Variants in SGCZ observed in about 807,000 individuals in gnomAD.
SGCZ encodes the protein zeta-sarcoglycan.
In SGCZ, 40 loss-of-function variants were observed where a neutral mutation model predicts 41.3. The observed-to-expected ratio is 0.97, with a 90% CI of 0.75 to 1.26. SGCZ has a LOEUF of 1.26. Ranked by LOEUF, SGCZ falls within the 50% of genes most tolerant of loss-of-function variation. SGCZ has a pLI of 0.00. For missense variants in SGCZ, 552 were observed against 369.8 expected, an observed-to-expected ratio of 1.49 and a Z score of -4.04; for synonymous variants, 206 against 137.5, an observed-to-expected ratio of 1.50 and a Z score of -3.49.
intron 2 of SGCZ, among the ~76,000 whole-genome samples, chr8:14,469,828 A>T (rs1165583795): frequency 6.6e-6 from 1 of 152,170 alleles, no homozygotes; most frequent in Non-Finnish European, 1.5e-5. Context: ...GAAGAGCTGA[A>T]CACATGGAGG....
chr8:14,257,948 G>C (rs1799522889), intron 3 of SGCZ, among the ~76,000 whole-genome samples: 1 of 152,086 alleles, frequency 6.6e-6, no homozygotes, highest in African/African-American at 2.4e-5. Flanking sequence ...ACCAATTCAA[G>C]ATCAATAAAT....
chr8:14,386,092 G>A (rs1000085438), intron 2 of SGCZ, among the ~76,000 whole-genome samples: 3 of 151,832 alleles, frequency 2.0e-5, no homozygotes, highest in African/African-American at 7.3e-5. Context: ...AATATATTCA[G>A]TCTTCGGTTG....
At chr8:15,121,076 GC>G (rs1807459898) in intron 1 of SGCZ, among the ~76,000 whole-genome samples, 1 of 152,094 alleles carries the variant, frequency 6.6e-6, no homozygotes, top group African/African-American at 2.4e-5. Flanking sequence ...TCTTTGCGTT[GC>G]CACAATGATT....
chr8:14,544,582 G>T (rs1374073029), intron 2 of SGCZ, among the ~76,000 whole-genome samples: 1 of 151,994 alleles, frequency 6.6e-6, no homozygotes, highest in African/African-American at 2.4e-5. Flanking sequence ...GTCTATAAAT[G>T]GTCGCTATGG....
chr8:14,141,665 A>T (rs1803373951), intron 5 of SGCZ, among the ~76,000 whole-genome samples: 1 of 152,224 alleles, frequency 6.6e-6, no homozygotes, highest in African/African-American at 2.4e-5. Context: ...GTCGGGAAAC[A>T]ACAGATGCTG....
chr8:14,905,734 G>A (rs141671823), intron 1 of SGCZ, among the ~76,000 whole-genome samples: 57 of 151,998 alleles, frequency 3.8e-4, no homozygotes, highest in African/African-American at 5.8e-4. Context: ...GTCATCAGAA[G>A]CTATAGGCCA....
At chr8:14,547,060 T>C (rs866680455) in intron 2 of SGCZ, among the ~76,000 whole-genome samples, 1 of 152,116 alleles carries the variant, frequency 6.6e-6, no homozygotes, top group South Asian at 2.1e-4. Context: ...CTCTCTGGCA[T>C]CTTAAACTTT....
intron 1 of SGCZ, among the ~76,000 whole-genome samples, chr8:15,097,916 G>A (rs1307403845): frequency 8.4e-4 from 67 of 80,008 alleles, no homozygotes; most frequent in African/African-American, 2.8e-3. Context: ...ATATACGTGT[G>A]TATATATATA....
intron 2 of SGCZ, among the ~76,000 whole-genome samples, chr8:14,418,519 T>A (rs1456645438): frequency 6.6e-6 from 1 of 151,964 alleles, no homozygotes; most frequent in Non-Finnish European, 1.5e-5. Context: ...TTATATTTTA[T>A]CACGTTTTAC....
intron 5 of SGCZ, among the ~76,000 whole-genome samples, chr8:14,142,157 G>A (rs1349438130): frequency 6.6e-6 from 1 of 152,092 alleles, no homozygotes; most frequent in African/African-American, 2.4e-5. Context: ...TCACACACCA[G>A]GGCCTGTCGA....
At chr8:14,565,630 C>G (rs958541874) in intron 1 of SGCZ, among the ~76,000 whole-genome samples, 6 of 152,064 alleles carry the variant, frequency 3.9e-5, no homozygotes, top group African/African-American at 1.4e-4. Context: ...AGAAACGCAG[C>G]AGGAGAGCTT....
chr8:14,572,131 A>T (rs1436283089), intron 1 of SGCZ, among the ~76,000 whole-genome samples: 1 of 152,216 alleles, frequency 6.6e-6, no homozygotes, highest in Non-Finnish European at 1.5e-5. Flanking sequence ...ATGAAATTGC[A>T]TTAATACATG....
chr8:14,935,364 A>T (rs2130811720), intron 1 of SGCZ, among the ~76,000 whole-genome samples: 2 of 151,828 alleles, frequency 1.3e-5, no homozygotes, highest in Middle Eastern at 6.8e-3. Flanking sequence ...AGTCTTTCAT[A>T]GTGTGATTTT....
intron 2 of SGCZ, among the ~76,000 whole-genome samples, chr8:14,406,601 T>A (rs1799217519): frequency 6.6e-6 from 1 of 152,074 alleles, no homozygotes; most frequent in African/African-American, 2.4e-5. Flanking sequence ...GCTCGGGCAC[T>A]AGATCAAATT....
Position 14,484,064 on chromosome 8 carries a change from CAT to C in SGCZ, c.234+70666_234+70667del, listed in dbSNP as rs566316996. Reference sequence around the variant, plus strand: ...AAATATGCCACTTTATTAGACATCACATGTTACTTTATTATACCTGAAGTTTC... The same window carrying C: ...AAATATGCCACTTTATTAGACATCACGTTACTTTATTATACCTGAAGTTTC... On this transcript the variant is annotated intron_variant, in intron 2 of 7. Coordinates refer to ENST00000382080, the MANE Select transcript of SGCZ (RefSeq NM_139167.4). Among the ~76,000 whole-genome samples, 395 of 152,258 alleles carry C rather than the reference CAT, an allele frequency of 2.6e-3. 4 individuals carry two copies. The highest frequency in any genetic ancestry group is 8.8e-3 in the African/African-American group (366 of 41,562).
Position 14,790,955 on chromosome 8 carries a change from C to T in SGCZ, c.40-236029G>A, listed in dbSNP as rs1376268875. 4.6e-5 allele frequency among the ~76,000 whole-genome samples: 7 copies of T among 150,680 alleles called. No homozygotes were observed. In the East Asian group the frequency reaches 1.2e-3, roughly 26 times the overall value. Reference sequence around the variant, plus strand: ...TTAAGGCAGGAGGATCTCTTGAACACGGGAGGCAAAGGTTGCAGTGAGCCA... The same window carrying T: ...TTAAGGCAGGAGGATCTCTTGAACATGGGAGGCAAAGGTTGCAGTGAGCCA... On this transcript the variant is annotated intron_variant, in intron 1 of 7. Transcript: ENST00000382080.
intron 1 of SGCZ, among the ~76,000 whole-genome samples, chr8:14,753,990 C>T (rs1157420872): frequency 6.6e-6 from 1 of 152,078 alleles, no homozygotes; most frequent in Non-Finnish European, 1.5e-5. Context: ...TGGACTTTAC[C>T]TACTGTTTCA....
chr8:14,270,843 A>T (rs1014994392), intron 3 of SGCZ, among the ~76,000 whole-genome samples: 4 of 152,202 alleles, frequency 2.6e-5, no homozygotes, highest in Non-Finnish European at 4.4e-5. Context: ...TGTGGCACAT[A>T]TACACCATGG....
rs1802338591 is a variant in SGCZ, at chr8:14,507,446, T to C, written c.234+47286A>G. 3.3e-5 allele frequency among the ~76,000 whole-genome samples: 5 copies of C among 152,330 alleles called. 1 individual carries two copies. The South Asian group carries it at 1.0e-3, about 32-fold the overall frequency. ...TTATTAGATACAATGATCTACACAATATGTCACATGCCTTCAAAAATTCTC... is the reference window on the plus strand; with the variant it reads ...TTATTAGATACAATGATCTACACAACATGTCACATGCCTTCAAAAATTCTC... On this transcript the variant is annotated intron_variant, in intron 2 of 7. Coordinates refer to ENST00000382080, the MANE Select transcript of SGCZ (RefSeq NM_139167.4).
Sources: gnomAD v4.1 joint callset for allele counts (sites outside exome capture counted in the v4.1 genomes callset) on GRCh38, gnomAD v4.1.1 for gene constraint, MANE v1.5 for transcripts, NCBI Gene and HGNC (gene_info 2026-07-23, HGNC 2026-07-21) for gene names.